RABGEF1: variants seen among roughly 807,000 people sequenced by gnomAD.
RABGEF1 encodes the protein RAB guanine nucleotide exchange factor 1.
A neutral mutation model predicts 57.3 loss-of-function variants in RABGEF1; 26 were observed. That is an observed-to-expected ratio of 0.45 (90% confidence interval 0.33 to 0.63). The LOEUF (loss-of-function observed/expected upper bound fraction) is 0.63. Ranked by LOEUF, RABGEF1 falls within the 20% of genes least tolerant of loss-of-function variation. The probability of loss-of-function intolerance (pLI) is 0.02; values close to 1 mark genes in which losing one functional copy is unlikely to be tolerated. For synonymous variants in RABGEF1, 185 were observed against 210.7 expected (o/e 0.88, Z 1.06); for missense variants, 464 against 607.6 (o/e 0.76, Z 2.48).
upstream of RABGEF1, among the ~76,000 whole-genome samples, chr7:66,736,462 G>A (rs1209060292): frequency 6.6e-6 from 1 of 152,164 alleles, no homozygotes; most frequent in African/African-American, 2.4e-5. Context: ...AGCATTTTGG[G>A]CAAAGAATAC....
At chr7:66,732,800 G>A (rs772711926) in intron 2 of RABGEF1, among the ~76,000 whole-genome samples, 3 of 151,666 alleles carry the variant, frequency 2.0e-5, no homozygotes, top group Non-Finnish European at 4.4e-5. Flanking sequence ...TGTCTCTCTC[G>A]CTTTTGCTCT....
chr7:66,772,087 A>C lies in RABGEF1; in HGVS notation c.179+9A>C. On this transcript the variant is annotated intron_variant, in intron 2 of 8. Coordinates refer to ENST00000284957, the MANE Select transcript of RABGEF1 (RefSeq NM_014504.3). The stretch of plus-strand genomic sequence containing the variant: ...TGGGAGCTGGCGGAGCGGTAAAAGG[A>C]CTTAACTAGGGGCGGTTGAACAGTG... 1 of 1,500,472 alleles carries C rather than the reference A, an allele frequency of 6.7e-7. No individual in the cohort carries two copies. The highest frequency in any genetic ancestry group is 8.9e-7 in the Non-Finnish European group (1 of 1,120,262). The allele number at this position is 1,500,472 out of a possible 1,614,324, so 92.9% of individuals were successfully genotyped here. A position where few individuals can be genotyped will look rare whatever the true frequency, so the allele number is the denominator to read the frequency against.
At chr7:66,668,555 A>G in the RABGEF1 span, among the ~76,000 whole-genome samples, 3 of 152,004 alleles carry the variant, frequency 2.0e-5, no homozygotes, top group African/African-American at 4.8e-5. Context: ...AGAGGGGGGG[A>G]TTGGCATAGG....
chr7:66,670,192 C>G, the RABGEF1 span, among the ~76,000 whole-genome samples: 1 of 152,158 alleles, frequency 6.6e-6, no homozygotes, highest in Non-Finnish European at 1.5e-5. Context: ...TCACTGTCCC[C>G]TAGTTCTTTT....
At chr7:66,795,421 A>ATC in intron 4 of RABGEF1, 90 bp from the exon 5 acceptor site, 2 of 1,086,746 alleles carry the variant, frequency 1.8e-6, no homozygotes, top group Non-Finnish European at 2.8e-6. Flanking sequence ...TACCAGTACA[A>ATC]GGAATGGCTT....
the RABGEF1 span, among the ~76,000 whole-genome samples, chr7:66,659,156 C>G: frequency 6.6e-6 from 1 of 152,132 alleles, no homozygotes; most frequent in Non-Finnish European, 1.5e-5. Context: ...AAAAAATTCT[C>G]AAGAAGACAC....
the RABGEF1 span, among the ~76,000 whole-genome samples, chr7:66,670,648 C>G: frequency 5.5e-4 from 83 of 151,782 alleles, no homozygotes; most frequent in African/African-American, 1.9e-3. Flanking sequence ...GGTTCAAGAC[C>G]AGCTCACTAC....
intron 1 of RABGEF1, among the ~76,000 whole-genome samples, chr7:66,683,727 CTTATTTATTTAT>C (rs10583686): frequency 2.7e-5 from 4 of 149,356 alleles, no homozygotes; most frequent in African/African-American, 7.4e-5. Context: ...CAAGGAGGTG[CTTATTTATTTAT>C]TTATTTATTT....
chr7:66,773,353 C>G (rs1018579418), intron 2 of RABGEF1, among the ~76,000 whole-genome samples: 4 of 152,196 alleles, frequency 2.6e-5, no homozygotes, highest in Admixed American at 2.6e-4. Context: ...TAAAAATGTC[C>G]TAGTACCTTT....
intron 1 of RABGEF1, 88 bp downstream of exon 1, chr7:66,740,880 G>A (rs1402128896): frequency 6.6e-6 from 1 of 152,152 alleles, no homozygotes; most frequent in African/African-American, 2.4e-5. Context: ...GGGGGTGGCA[G>A]GGCGGTCGGT....
intron 4 of RABGEF1, among the ~76,000 whole-genome samples, chr7:66,789,658 C>T (rs1427129736): frequency 2.6e-5 from 3 of 116,592 alleles, no homozygotes; most frequent in Non-Finnish European, 3.2e-5. Context: ...ACTCCAGCCT[C>T]AGCATCGGAG....
chr7:66,723,950 G>A (rs1796323970), intron 2 of RABGEF1, among the ~76,000 whole-genome samples: 1 of 152,094 alleles, frequency 6.6e-6, no homozygotes, highest in Non-Finnish European at 1.5e-5. Flanking sequence ...GCCATTTTTA[G>A]TGCTTTTCAT....
the RABGEF1 span, among the ~76,000 whole-genome samples, chr7:66,666,622 C>G: frequency 5.9e-5 from 9 of 152,224 alleles, no homozygotes; most frequent in African/African-American, 1.9e-4. Context: ...TGTTGAGCCT[C>G]TGGGGTCCCT....
the RABGEF1 span, among the ~76,000 whole-genome samples, chr7:66,672,160 C>T: frequency 2.0e-5 from 3 of 151,530 alleles, no homozygotes; most frequent in Admixed American, 6.6e-5. Flanking sequence ...CGGTGGCTCA[C>T]GCCTGTAATC....
chr7:66,742,555 A>T (rs1675311903), intron 1 of RABGEF1, among the ~76,000 whole-genome samples: 1 of 152,138 alleles, frequency 6.6e-6, no homozygotes, highest in Non-Finnish European at 1.5e-5. Flanking sequence ...GGGTGGAGTG[A>T]GGGAGAGGGG....
the RABGEF1 span, among the ~76,000 whole-genome samples, chr7:66,659,574 G>A: frequency 6.6e-6 from 1 of 151,948 alleles, no homozygotes; most frequent in Non-Finnish European, 1.5e-5. Context: ...GAGTTCAAGA[G>A]TTCAAGACCA....
At chr7:66,759,031 A>C (rs1322990964) in intron 1 of RABGEF1, among the ~76,000 whole-genome samples, 1 of 152,204 alleles carries the variant, frequency 6.6e-6, no homozygotes, top group Non-Finnish European at 1.5e-5. Context: ...CAGGAAATTG[A>C]TATTTGTGCA....
chr7:66,709,101 T>A (rs1374484362), intron 1 of RABGEF1, among the ~76,000 whole-genome samples: 6 of 151,616 alleles, frequency 4.0e-5, no homozygotes, highest in African/African-American at 1.5e-4. Flanking sequence ...CACTACAACC[T>A]CTGCCTTCTG....
In RABGEF1 at chr7:66,731,325, G is replaced by C. The variant is rs188382116; in HGVS notation, c.-814-8671G>C. ...AAAACCAGAGAAGAGGAAGAAGGGG[G>C]TCACAGGAGAGGGTATCTGATCAGG... On this transcript the variant is annotated intron_variant and NMD_transcript_variant, in intron 2 of 9. Coordinates refer to the RABGEF1 transcript ENST00000607882. 6.0e-4 allele frequency among the ~76,000 whole-genome samples: 91 copies of C among 152,282 alleles called. 1 individual carries two copies. The South Asian group carries it at 0.012, about 20-fold the overall frequency.
Sources: allele counts gnomAD v4.1 joint callset (sites outside exome capture counted in the v4.1 genomes callset), GRCh38; gene constraint gnomAD v4.1.1; transcripts MANE v1.5; gene names NCBI Gene and HGNC (gene_info 2026-07-23, HGNC 2026-07-21).